The following BRI3 variants were observed in gnomAD, a reference collection of about 807,000 sequenced individuals.
The protein encoded by BRI3 is membrane protein BRI3.
A neutral mutation model predicts 12.8 loss-of-function variants in BRI3; 6 were observed. The ratio of observed to expected loss-of-function variants is 0.47; its 90% CI spans 0.26 to 0.93. The LOEUF is 0.93. BRI3 is among the 40% of genes least tolerant of loss of function. The pLI, the probability that BRI3 is intolerant of heterozygous loss-of-function variation, is 0.15. For synonymous variants in BRI3, 91 were observed against 76.1 expected, an observed-to-expected ratio of 1.20 and a Z score of -1.02; for missense variants, 134 against 171.1, an observed-to-expected ratio of 0.78 and a Z score of 1.21.
At chr7:98,282,910 C>T (rs1280395525) in intron 2 of BRI3, 1 of 157,658 alleles carries the variant, frequency 6.3e-6, no homozygotes, top group East Asian at 1.9e-4. Context: ...GGACAGACCT[C>T]AGTGGGAGAA....
downstream of BRI3, among the ~76,000 whole-genome samples, chr7:98,313,366 G>A (rs1457984488): frequency 1.3e-5 from 2 of 152,140 alleles, no homozygotes; most frequent in Non-Finnish European, 2.9e-5. Context: ...TTAAGTCTAA[G>A]AAAGACTCTG....
chr7:98,296,635 AAAAC>A (rs1220012884), downstream of BRI3, among the ~76,000 whole-genome samples: 1 of 152,220 alleles, frequency 6.6e-6, no homozygotes, highest in Non-Finnish European at 1.5e-5. Context: ...AAAAAACAAA[AAAAC>A]AAAAAACCAA....
chr7:98,315,633 A>ATAATAC, the BRI3 span: 2 of 1,105,696 alleles, frequency 1.8e-6, no homozygotes, highest in Non-Finnish European at 2.4e-6. Context: ...AAAAATAATA[A>ATAATAC]TAATAATAAT....
At chr7:98,292,686 C>T, downstream of BRI3, 1 of 1,551,670 alleles carries the variant, frequency 6.4e-7, no homozygotes, top group Non-Finnish European at 8.7e-7. Context: ...AGAGTCTGTA[C>T]CTGATTCAAA....
At chr7:98,293,477 C>T (rs1584406602), downstream of BRI3, 4 of 1,574,640 alleles carry the variant, frequency 2.5e-6, no homozygotes, top group East Asian at 9.0e-5. Context: ...CATCATTCCG[C>T]AAGGGAGAAC....
upstream of BRI3, among the ~76,000 whole-genome samples, chr7:98,305,891 C>A (rs936882802): frequency 3.3e-5 from 5 of 151,986 alleles, no homozygotes; most frequent in African/African-American, 1.2e-4. Context: ...TCAGCAAAGC[C>A]CATCAGTGTA....
At chr7:98,295,676 G>A (rs192761564), downstream of BRI3, among the ~76,000 whole-genome samples, 422 of 152,072 alleles carry the variant, frequency 2.8e-3, 2 homozygotes, top group Middle Eastern at 6.8e-3. Flanking sequence ...TGACTCCTTG[G>A]GGCCAACACC....
At chr7:98,282,637 ACC>A in intron 2 of BRI3, 184 bp downstream of exon 2, 1 of 593,196 alleles carries the variant, frequency 1.7e-6, no homozygotes, top group East Asian at 2.8e-5. Context: ...GGGTCCGCTC[ACC>A]CTTGGCTCTG....
At chr7:98,297,340 AGTT>A (rs1800235319), downstream of BRI3, among the ~76,000 whole-genome samples, 1 of 152,176 alleles carries the variant, frequency 6.6e-6, no homozygotes, top group African/African-American at 2.4e-5. Flanking sequence ...TTGGGGGACT[AGTT>A]GACCTGGCTT....
the BRI3 span, among the ~76,000 whole-genome samples, chr7:98,321,390 A>G: frequency 1.1e-4 from 16 of 152,302 alleles, no homozygotes; most frequent in African/African-American, 3.6e-4. Flanking sequence ...TTTGGAAAAT[A>G]CTAACGCCAG....
the BRI3 span, among the ~76,000 whole-genome samples, chr7:98,316,933 G>A: frequency 3.3e-5 from 5 of 150,772 alleles, no homozygotes; most frequent in African/African-American, 4.9e-5. Context: ...GCATAATCTC[G>A]GCTCACTGCA....
At chr7:98,310,959 T>A (rs1023464233), downstream of BRI3, among the ~76,000 whole-genome samples, 3 of 152,108 alleles carry the variant, frequency 2.0e-5, no homozygotes, top group Non-Finnish European at 4.4e-5. Flanking sequence ...GTGCTGGGAT[T>A]ACAGGTGTGA....
At chr7:98,282,324 C>G (rs1172152337) in intron 1 of BRI3, 27 bp from the exon 2 acceptor site, 2 of 1,576,958 alleles carry the variant, frequency 1.3e-6, no homozygotes, top group Admixed American at 1.7e-5. Context: ...CTCCCTGCAC[C>G]CTAATGACCT....
At chr7:98,306,006 T>TG (rs1800642711), upstream of BRI3, among the ~76,000 whole-genome samples, 3 of 151,758 alleles carry the variant, frequency 2.0e-5, no homozygotes, top group South Asian at 2.1e-4. Flanking sequence ...AGAAGAGGGG[T>TG]GCAAAGAGCT....
chr7:98,317,060 C>T, the BRI3 span, among the ~76,000 whole-genome samples: 3 of 152,112 alleles, frequency 2.0e-5, no homozygotes, highest in African/African-American at 7.2e-5. Context: ...ACCACATTGG[C>T]CAGGCTGGTC....
chr7:98,315,225 G>A (rs1801029664), downstream of BRI3, among the ~76,000 whole-genome samples: 1 of 152,088 alleles, frequency 6.6e-6, no homozygotes, highest in Non-Finnish European at 1.5e-5. Flanking sequence ...AGGCTGAAGG[G>A]ATCCTCCCAC....
intron 2 of BRI3, among the ~76,000 whole-genome samples, chr7:98,288,183 A>C (rs1461289511): frequency 6.6e-6 from 1 of 152,160 alleles, no homozygotes; most frequent in African/African-American, 2.4e-5. Context: ...CAGGAAGAAA[A>C]GGGAAGAGGA....
At chr7:98,292,489 C>A, downstream of BRI3, 1 of 740,628 alleles carries the variant, frequency 1.4e-6, no homozygotes, top group Non-Finnish European at 2.2e-6. Context: ...CATGACTCTC[C>A]ACTCCAAAAT....
At chr7:98,315,623 A>ATACT in the BRI3 span, 1 of 1,207,740 alleles carries the variant, frequency 8.3e-7, no homozygotes, top group Non-Finnish European at 1.1e-6. Flanking sequence ...CTAAAAAAAA[A>ATACT]AAAATAATAA....
Sources: allele counts gnomAD v4.1 joint callset (sites outside exome capture counted in the v4.1 genomes callset), GRCh38; gene constraint gnomAD v4.1.1; transcripts MANE v1.5; gene names NCBI Gene and HGNC (gene_info 2026-07-23, HGNC 2026-07-21).